GLIS3: variants seen among roughly 807,000 people sequenced by gnomAD.
GLIS3 encodes the protein zinc finger protein GLIS3.
A neutral mutation model predicts 78.6 loss-of-function variants in GLIS3; 53 were observed. The ratio of observed to expected loss-of-function variants is 0.67; its 90% CI spans 0.54 to 0.85. The LOEUF (loss-of-function observed/expected upper bound fraction) is 0.85, where lower values mean the gene tolerates loss of function less well. Ranked by LOEUF, GLIS3 falls within the 40% of genes least tolerant of loss-of-function variation. The probability of loss-of-function intolerance (pLI) is 0.00; values close to 1 mark genes in which losing one functional copy is unlikely to be tolerated. For synonymous variants in GLIS3, 684 were observed against 509.9 expected (o/e 1.34, Z -4.60); for missense variants, 1,703 against 1,231.1 (o/e 1.38, Z -5.74).
intron 4 of GLIS3, among the ~76,000 whole-genome samples, chr9:4,029,743 A>T (rs1041289830): frequency 5.3e-5 from 8 of 152,108 alleles, no homozygotes; most frequent in African/African-American, 1.9e-4. Context: ...CACTTAGCAT[A>T]ATGGTCTCCA....
chr9:4,086,956 G>C (rs1829084927), intron 4 of GLIS3, among the ~76,000 whole-genome samples: 1 of 152,148 alleles, frequency 6.6e-6, no homozygotes, highest in Non-Finnish European at 1.5e-5. Context: ...AGACGGCAGA[G>C]GCTCCCTACT....
intron 2 of GLIS3, among the ~76,000 whole-genome samples, chr9:4,196,379 G>C (rs1179094132): frequency 6.6e-6 from 1 of 152,236 alleles, no homozygotes; most frequent in East Asian, 1.9e-4. Flanking sequence ...GCCCCAGCCA[G>C]CAGTGGCAAC....
intron 4 of GLIS3, among the ~76,000 whole-genome samples, chr9:4,113,849 G>T (rs1478224498): frequency 6.6e-6 from 1 of 152,136 alleles, no homozygotes; most frequent in Non-Finnish European, 1.5e-5. Context: ...TCTGGATTTT[G>T]CCAGGCAAAA....
intron 4 of GLIS3, among the ~76,000 whole-genome samples, chr9:4,077,341 A>G (rs956539328): frequency 2.0e-5 from 3 of 152,190 alleles, no homozygotes; most frequent in African/African-American, 7.2e-5. Context: ...CCCACATTTA[A>G]AAGAGATGCT....
At chr9:4,184,835 A>G (rs937537122) in intron 2 of GLIS3, among the ~76,000 whole-genome samples, 3 of 152,166 alleles carry the variant, frequency 2.0e-5, no homozygotes, top group Non-Finnish European at 2.9e-5. Flanking sequence ...GAGGTTGTGC[A>G]TCTGTCAACA....
chr9:4,138,647 C>T (rs1833584886), intron 2 of GLIS3, among the ~76,000 whole-genome samples: 1 of 152,202 alleles, frequency 6.6e-6, no homozygotes, highest in South Asian at 2.1e-4. Flanking sequence ...GCCAGAATAG[C>T]TTCCCTTACC....
chr9:4,124,613 CA>C (rs1832431331), intron 3 of GLIS3, among the ~76,000 whole-genome samples: 1 of 152,154 alleles, frequency 6.6e-6, no homozygotes, highest in African/African-American at 2.4e-5. Context: ...AGGTGAAAAA[CA>C]AGTTTCTATC....
chr9:4,066,717 T>C (rs577465499), intron 4 of GLIS3, among the ~76,000 whole-genome samples: 32 of 152,258 alleles, frequency 2.1e-4, no homozygotes, highest in Non-Finnish European at 3.7e-4. Flanking sequence ...GGAGAAATAT[T>C]AGGCTTTGCC....
At chr9:4,094,852 A>G (rs1313614671) in intron 4 of GLIS3, among the ~76,000 whole-genome samples, 1 of 152,184 alleles carries the variant, frequency 6.6e-6, no homozygotes, top group Non-Finnish European at 1.5e-5. Context: ...CAATGCAAAG[A>G]TATTTGCTAT....
chr9:4,077,911 C>G (rs1828216273), intron 4 of GLIS3, among the ~76,000 whole-genome samples: 1 of 152,200 alleles, frequency 6.6e-6, no homozygotes, highest in Non-Finnish European at 1.5e-5. Flanking sequence ...TAATTCCAAT[C>G]TCTTTCCTTT....
At chr9:4,481,086 G>A in the GLIS3 span, among the ~76,000 whole-genome samples, 1 of 152,106 alleles carries the variant, frequency 6.6e-6, no homozygotes, top group Admixed American at 6.5e-5. Flanking sequence ...AAACTCCTGG[G>A]CTCAACTGAT....
At chr9:4,473,574 A>G in the GLIS3 span, among the ~76,000 whole-genome samples, 4 of 152,092 alleles carry the variant, frequency 2.6e-5, no homozygotes, top group African/African-American at 9.7e-5. Flanking sequence ...CTCACTTACA[A>G]GTGGGAGCTA....
the GLIS3 span, among the ~76,000 whole-genome samples, chr9:4,429,421 G>T: frequency 6.6e-6 from 1 of 151,878 alleles, no homozygotes; most frequent in South Asian, 2.1e-4. Flanking sequence ...TGCACATGTG[G>T]CTCTCACTGC....
chr9:4,090,831 G>C (rs1311987187), intron 4 of GLIS3, among the ~76,000 whole-genome samples: 5 of 152,190 alleles, frequency 3.3e-5, no homozygotes, highest in African/African-American at 1.2e-4. Flanking sequence ...TATTACTATT[G>C]CTGGTATGCT....
At chr9:4,325,114 C>T (rs1587386649) in intron 2 of GLIS3, among the ~76,000 whole-genome samples, 2 of 152,260 alleles carry the variant, frequency 1.3e-5, no homozygotes, top group African/African-American at 4.8e-5. Flanking sequence ...CAAACTGGGA[C>T]CTGAACCCAA....
chr9:4,109,065 G>A (rs980926210), intron 4 of GLIS3, among the ~76,000 whole-genome samples: 2 of 152,044 alleles, frequency 1.3e-5, no homozygotes, highest in Non-Finnish European at 2.9e-5. Context: ...ATTTTGATGG[G>A]AATTGATTTA....
intron 6 of GLIS3, among the ~76,000 whole-genome samples, chr9:3,920,774 T>C (rs1824834895): frequency 6.6e-6 from 1 of 152,188 alleles, no homozygotes; most frequent in Non-Finnish European, 1.5e-5. Flanking sequence ...AAAATACAGT[T>C]TCTATTCAAA....
chr9:3,829,231 C>T, intron 10 of GLIS3, 79 bp downstream of exon 10: 1 of 1,254,096 alleles, frequency 8.0e-7, no homozygotes, highest in Non-Finnish European at 1.2e-6. Context: ...TCACGTCCAG[C>T]CCAGGTCGGT....
chr9:4,401,433 A>ATT, the GLIS3 span, among the ~76,000 whole-genome samples: 4 of 142,710 alleles, frequency 2.8e-5, no homozygotes, highest in African/African-American at 1.0e-4. Flanking sequence ...CTAATTTTGT[A>ATT]TTTTTTTTTT....
Sources: gnomAD v4.1 joint callset for allele counts (sites outside exome capture counted in the v4.1 genomes callset) on GRCh38, gnomAD v4.1.1 for gene constraint, MANE v1.5 for transcripts, NCBI Gene and HGNC (gene_info 2026-07-23, HGNC 2026-07-21) for gene names.